SLC26A4: variants seen among roughly 807,000 people sequenced by gnomAD.
SLC26A4 encodes solute carrier family 26 member 4.
SLC26A4 carries 93 observed loss-of-function variants against 90.4 expected under a neutral mutation model. The observed-to-expected ratio is 1.03, with a 90% CI of 0.87 to 1.22. The LOEUF (loss-of-function observed/expected upper bound fraction) is 1.22. SLC26A4 is among the 50% of genes most tolerant of loss of function. The pLI is 0.00. For missense variants in SLC26A4, 1,127 were observed against 946.2 expected (o/e 1.19, Z -2.51); for synonymous variants, 393 against 354.6 (o/e 1.11, Z -1.22).
At position 107,661,271 on chromosome 7, in the gene SLC26A4, C is replaced by G. The variant is rs1790539092; in HGVS notation, c.-3-368C>G. 1 of 344,718 alleles carries G rather than the reference C, an allele frequency of 2.9e-6. No homozygotes were observed. Among genetic ancestry groups the G allele is most frequent in the African/African-American group, 2.2e-5 (1 of 45,756 alleles). The allele number at this position is 344,718 out of a possible 1,614,324, so 21.4% of individuals were successfully genotyped here. ...CTTGCAAGCGCCTTTGGCCCCTGCCCCAGCCCCTCGGTTTGGGGGAGATTT... is the reference window on the plus strand; with the variant it reads ...CTTGCAAGCGCCTTTGGCCCCTGCCGCAGCCCCTCGGTTTGGGGGAGATTT... On this transcript the variant is annotated intron_variant, in intron 1 of 20. Coordinates refer to ENST00000644269, the MANE Select transcript of SLC26A4 (RefSeq NM_000441.2). The surrounding 1 kb of genome is among the most constrained non-coding windows in gnomAD (Gnocchi z 5.1).
At chr7:107,703,995 T>C (rs916401419) in intron 17 of SLC26A4, among the ~76,000 whole-genome samples, 1 of 152,184 alleles carries the variant, frequency 6.6e-6, no homozygotes, top group African/African-American at 2.4e-5. Flanking sequence ...TTGAACCCGA[T>C]AAGCATAGCC....
rs769421484 is a variant in SLC26A4, at chr7:107,674,353, T to G, written c.600+5T>G. ...CTGCTGGTTGGAATTATACAGGTAA[T>G]GAACTTACAAGTAAAATATAGATGG... On this transcript the variant is annotated splice_donor_5th_base_variant and intron_variant, in intron 5 of 20. Coordinates refer to ENST00000644269, the MANE Select transcript of SLC26A4 (RefSeq NM_000441.2). The G allele has an allele frequency of 5.0e-6, 8 of 1,599,608 alleles. No homozygotes were observed. The highest frequency in any genetic ancestry group is 6.9e-6 in the Non-Finnish European group (8 of 1,166,794).
rs1260470417 is a variant in SLC26A4, at chr7:107,715,878, T to G, written c.*432T>G. ...GCACTGATCACCATGTAAGGTCACATTTAGTAAATGCTGAAATAAAATGAT... is the reference window on the plus strand; with the variant it reads ...GCACTGATCACCATGTAAGGTCACAGTTAGTAAATGCTGAAATAAAATGAT... On this transcript the variant is annotated 3_prime_UTR_variant, in exon 21 of 21. Transcript: ENST00000644269. 1 of 167,460 alleles carries G rather than the reference T, an allele frequency of 6.0e-6. No homozygotes were observed. The highest frequency in any genetic ancestry group is 2.4e-5 in the African/African-American group (1 of 42,128). The allele number at this position is 167,460 out of a possible 1,614,324, so 10.4% of individuals were successfully genotyped here.
intron 18 of SLC26A4, among the ~76,000 whole-genome samples, chr7:107,709,775 G>C (rs377374351): frequency 6.6e-6 from 1 of 152,294 alleles, no homozygotes; most frequent in African/African-American, 2.4e-5. Flanking sequence ...TTTTGGATAA[G>C]AGAAAAATAA....
At chr7:107,711,252 C>T (rs750995466) in intron 19 of SLC26A4, among the ~76,000 whole-genome samples, 1 of 151,790 alleles carries the variant, frequency 6.6e-6, no homozygotes, top group African/African-American at 2.4e-5. Context: ...TTCTCTAACC[C>T]ATAGGTGATA....
Position 107,663,398 on chromosome 7 carries a change from T to C in SLC26A4, c.267T>C (p.Ile89=), listed in dbSNP as rs374947389. 1.9e-6 allele frequency: 3 copies of C among 1,614,062 alleles called. No homozygotes were observed. The change falls in exon 3 of 21, where the codon ATT becomes ATC. Residue 89 remains isoleucine (I), a synonymous_variant. Coordinates refer to ENST00000644269, the MANE Select transcript of SLC26A4 (RefSeq NM_000441.2). ...AGGAATGGCTGCTTAGTGACGTCATTTCGGGAGTTAGTACTGGGCTAGTGG... is the reference window on the plus strand; with the variant it reads ...AGGAATGGCTGCTTAGTGACGTCATCTCGGGAGTTAGTACTGGGCTAGTGG... ...RVKEWLLSDV[I]SGVSTGLVAT... is the part of the protein sequence containing the mutation.
intron 19 of SLC26A4, among the ~76,000 whole-genome samples, chr7:107,710,630 A>G (rs1483127938): frequency 2.0e-5 from 3 of 152,236 alleles, no homozygotes; most frequent in Non-Finnish European, 4.4e-5. Flanking sequence ...TCTTTGAAAA[A>G]GAAATTTAAA....
intron 10 of SLC26A4, 70 bp downstream of exon 10, chr7:107,690,307 C>T: frequency 1.1e-6 from 1 of 943,942 alleles, no homozygotes; most frequent in East Asian, 2.4e-5. Flanking sequence ...GGAAGGCTCG[C>T]ACCGAGCTTA....
At chr7:107,665,176 G>A (rs1027642262) in intron 3 of SLC26A4, among the ~76,000 whole-genome samples, 1 of 152,170 alleles carries the variant, frequency 6.6e-6, no homozygotes, top group African/African-American at 2.4e-5. Context: ...TGGGAAGTAG[G>A]GTGGGGTGGG....
At position 107,689,054 on chromosome 7, in the gene SLC26A4, T is replaced by G. The variant is rs111033212; in HGVS notation, c.1003T>G (p.Phe335Val). 1 of 1,613,746 alleles carries G rather than the reference T, an allele frequency of 6.2e-7. No individual in the cohort carries two copies. The highest frequency in any genetic ancestry group is 8.5e-7 in the Non-Finnish European group (1 of 1,179,746). Residue 335 changes from phenylalanine (F) to valine (V), a missense_variant and splice_region_variant, in exon 9 of 21, where the codon TTT becomes GTT. Coordinates refer to ENST00000644269, the MANE Select transcript of SLC26A4 (RefSeq NM_000441.2). ...ATTTTTCACTTAAAAACTCACTAGGTTTTTGCCTCCTGAACTTCCACCTGT... is the reference window on the plus strand; with the variant it reads ...ATTTTTCACTTAAAAACTCACTAGGGTTTTGCCTCCTGAACTTCCACCTGT... ...AGIVKSIPRG[F>V]LPPELPPVSL...
chr7:107,664,591 T>A (rs1790658809), intron 3 of SLC26A4, among the ~76,000 whole-genome samples: 1 of 152,184 alleles, frequency 6.6e-6, no homozygotes, highest in South Asian at 2.1e-4. Flanking sequence ...TGAAGGGAGC[T>A]TCCTAGCCTG....
At position 107,695,180 on chromosome 7, in the gene SLC26A4, T is replaced by C. The variant is rs186586081; in HGVS notation, c.1437+464T>C. Reference sequence around the variant, plus strand: ...TCTCTAATTTAAACCATAAAAAGAATGAGAAGACTTCCTACATATTGATAT... The same window carrying C: ...TCTCTAATTTAAACCATAAAAAGAACGAGAAGACTTCCTACATATTGATAT... On this transcript the variant is annotated intron_variant, in intron 12 of 20. Coordinates refer to ENST00000644269, the MANE Select transcript of SLC26A4 (RefSeq NM_000441.2). 4.1e-3 allele frequency among the ~76,000 whole-genome samples: 626 copies of C among 152,240 alleles called. 5 individuals are homozygous for C. Among genetic ancestry groups the C allele is most frequent in the South Asian group, 0.014 (67 of 4,824 alleles).
chr7:107,704,426 C>T (rs746156547), intron 18 of SLC26A4, 41 bp downstream of exon 18: 36 of 890,038 alleles, frequency 4.0e-5, no homozygotes, highest in South Asian at 2.4e-4. Context: ...AAGACTTTCC[C>T]GTAAGCCCTT....
chr7:107,683,655 T>C (rs1791317817), intron 8 of SLC26A4, 118 bp downstream of exon 8: 1 of 795,732 alleles, frequency 1.3e-6, no homozygotes, highest in Non-Finnish European at 2.1e-6. Flanking sequence ...ATAGTCCTAT[T>C]TGTGTGTGAT....
intron 18 of SLC26A4, among the ~76,000 whole-genome samples, chr7:107,705,735 C>G (rs983528101): frequency 3.3e-5 from 5 of 152,160 alleles, no homozygotes; most frequent in African/African-American, 4.8e-5. Context: ...AAGAGGTAGG[C>G]ACAAGTAAGG....
chr7:107,691,905 T>G lies in SLC26A4; in HGVS notation c.1263+1668T>G, dbSNP rs948421909. On this transcript the variant is annotated intron_variant, in intron 10 of 20. Transcript: ENST00000644269. The stretch of plus-strand genomic sequence containing the variant: ...GCCAATTTCCAAAGCTGTGCACATT[T>G]CAGGCTGCAGCTGTCAGCAGCAGGA... The G allele has an allele frequency of 6.2e-6, 8 of 1,282,206 alleles. No individual in the cohort carries two copies. In the African/African-American group the frequency reaches 1.2e-4, roughly 20 times the overall value. The allele number at this position is 1,282,206 out of a possible 1,614,324, so 79.4% of individuals were successfully genotyped here.
rs138758914 is a variant in SLC26A4 at position 107,692,650 on chromosome 7, A to T, written c.1264-1753A>T. ...TTTTTAGCACATCTACAGATTGTAG[A>T]AGAATTAAACATTGGAACCTTTTCT... On this transcript the variant is annotated intron_variant, in intron 10 of 20. Transcript: ENST00000644269. Among the ~76,000 whole-genome samples the T allele has an allele frequency of 3.5e-3, 527 of 152,276 alleles. 1 individual carries two copies. The highest frequency in any genetic ancestry group is 0.012 in the African/African-American group (502 of 41,554).
intron 8 of SLC26A4, among the ~76,000 whole-genome samples, chr7:107,684,644 A>G (rs1201780941): frequency 6.6e-6 from 1 of 152,168 alleles, no homozygotes; most frequent in African/African-American, 2.4e-5. Flanking sequence ...TTTTTCACAC[A>G]GATTCCTGGT....
intron 4 of SLC26A4, 23 bp from the exon 5 acceptor site, chr7:107,674,141 T>G: frequency 1.2e-6 from 2 of 1,611,286 alleles, no homozygotes; most frequent in Non-Finnish European, 1.7e-6. Flanking sequence ...ACTGATTAAT[T>G]GTTAGAGACT....
Sources: allele counts gnomAD v4.1 joint callset (sites outside exome capture counted in the v4.1 genomes callset), GRCh38; gene constraint gnomAD v4.1.1; non-coding constraint Gnocchi (gnomAD v3.1); transcripts MANE v1.5; gene names NCBI Gene and HGNC (gene_info 2026-07-23, HGNC 2026-07-21).